LRTM1: variants seen among roughly 807,000 people sequenced by gnomAD.
LRTM1 encodes the protein leucine rich repeat transmembrane protein 1, also known as leucine-rich repeat and transmembrane domain-containing protein 1.
LRTM1 carries 38 observed loss-of-function variants against 32.4 expected under a neutral mutation model. The ratio of observed to expected loss-of-function variants is 1.17; its 90% CI spans 0.91 to 1.54. The LOEUF is 1.54. Among genes scored for constraint, LRTM1 ranks in the 40% most tolerant of loss-of-function variants. LRTM1 has a pLI of 0.00. For synonymous variants in LRTM1, 186 were observed against 169.9 expected, an observed-to-expected ratio of 1.09 and a Z score of -0.74; for missense variants, 466 against 415.4, an observed-to-expected ratio of 1.12 and a Z score of -1.06.
chr3:54,931,189 G>C (rs948400520), upstream of LRTM1, among the ~76,000 whole-genome samples: 8 of 152,164 alleles, frequency 5.3e-5, no homozygotes, highest in Non-Finnish European at 1.2e-4. Flanking sequence ...CCTAAAACAC[G>C]AATGCCCAGG....
At chr3:54,928,246 C>G (rs139573065), upstream of LRTM1, among the ~76,000 whole-genome samples, 295 of 152,296 alleles carry the variant, frequency 1.9e-3, 3 homozygotes, top group Middle Eastern at 6.8e-3. Context: ...TTTGTCAAAC[C>G]TTGGTGAACA....
At chr3:54,939,998 C>A (rs894732682) in intron 1 of LRTM1, among the ~76,000 whole-genome samples, 1 of 152,158 alleles carries the variant, frequency 6.6e-6, no homozygotes, top group Non-Finnish European at 1.5e-5. Context: ...TCTAGGACTC[C>A]CATCTGAGCA....
chr3:54,918,651 C>G lies in LRTM1; in HGVS notation c.846G>C (p.Leu282=). 1 of 1,614,180 alleles carries G rather than the reference C, an allele frequency of 6.2e-7. No homozygotes were observed. Among genetic ancestry groups the G allele is most frequent in the Non-Finnish European group, 8.5e-7 (1 of 1,180,030 alleles). Residue 282 remains leucine (L), a synonymous_variant, in exon 3 of 3, where the codon CTG becomes CTC. Transcript: ENST00000273286. ...TGATGACAGTGGCAATGGCATGACG[C>G]AGGTTGGCCGGCCTTGGCTTGGGTT... ...ELKPKPRPAN[L]RHAIATVIIT...
chr3:54,936,249 T>C (rs1471710654), intron 1 of LRTM1, among the ~76,000 whole-genome samples: 1 of 152,210 alleles, frequency 6.6e-6, no homozygotes, highest in African/African-American at 2.4e-5. Context: ...ACTAGGTACT[T>C]AGATTGTATC....
intron 1 of LRTM1, among the ~76,000 whole-genome samples, chr3:54,963,024 A>G (rs1210065754): frequency 6.6e-6 from 1 of 152,198 alleles, no homozygotes; most frequent in Non-Finnish European, 1.5e-5. Flanking sequence ...TATTAACATG[A>G]TATGAGATGC....
At chr3:54,951,447 TC>T (rs1185024556) in intron 1 of LRTM1, among the ~76,000 whole-genome samples, 1 of 152,170 alleles carries the variant, frequency 6.6e-6, no homozygotes, top group African/African-American at 2.4e-5. Flanking sequence ...ATGGAACTGT[TC>T]TTTGGTGTGC....
At chr3:54,932,597 C>A (rs1311001140), upstream of LRTM1, among the ~76,000 whole-genome samples, 1 of 152,194 alleles carries the variant, frequency 6.6e-6, no homozygotes, top group African/African-American at 2.4e-5. Context: ...ATATAGCATG[C>A]CTAGAGTTTG....
upstream of LRTM1, among the ~76,000 whole-genome samples, chr3:54,931,176 C>T (rs1223024287): frequency 2.6e-5 from 4 of 152,184 alleles, no homozygotes; most frequent in Non-Finnish European, 5.9e-5. Flanking sequence ...CTGGCTGCTC[C>T]CACCTAAAAC....
At chr3:54,963,483 A>G (rs2107054003) in intron 1 of LRTM1, among the ~76,000 whole-genome samples, 2 of 152,356 alleles carry the variant, frequency 1.3e-5, no homozygotes, top group African/African-American at 4.8e-5. Context: ...TAACTAGTGC[A>G]ACTAAGGAAC....
intron 1 of LRTM1, among the ~76,000 whole-genome samples, chr3:54,962,074 A>G (rs939044265): frequency 4.6e-5 from 7 of 152,140 alleles, no homozygotes; most frequent in African/African-American, 1.4e-4. Context: ...TTAACCCATT[A>G]ATCTATTAAT....
At chr3:54,964,412 T>G (rs1702097801) in intron 1 of LRTM1, among the ~76,000 whole-genome samples, 1 of 152,070 alleles carries the variant, frequency 6.6e-6, no homozygotes, top group African/African-American at 2.4e-5. Context: ...AATGGTGATT[T>G]TTTTTTTTCT....
intron 1 of LRTM1, among the ~76,000 whole-genome samples, chr3:54,954,833 A>C (rs1282844488): frequency 1.3e-5 from 2 of 152,214 alleles, no homozygotes; most frequent in Non-Finnish European, 2.9e-5. Flanking sequence ...GGGTGCCAGG[A>C]ATCTTCAGAA....
chr3:54,947,727 A>AG (rs1480923309), intron 1 of LRTM1, among the ~76,000 whole-genome samples: 1 of 152,156 alleles, frequency 6.6e-6, no homozygotes, highest in African/African-American at 2.4e-5. Flanking sequence ...TGGGAACAGA[A>AG]GTTACCCTAT....
intron 1 of LRTM1, among the ~76,000 whole-genome samples, chr3:54,953,136 T>C (rs1204927903): frequency 2.0e-5 from 3 of 152,232 alleles, no homozygotes; most frequent in Non-Finnish European, 4.4e-5. Context: ...GGGTGACATT[T>C]ACTGAATATT....
chr3:54,928,029 C>G lies in LRTM1; in HGVS notation c.-118G>C, dbSNP rs1017837335. ...AGCTTTACATTCAGTCTTTCTGAACCCTGCCCTTGCTTTTCTTCAATGCAG... is the reference window on the plus strand; with the variant it reads ...AGCTTTACATTCAGTCTTTCTGAACGCTGCCCTTGCTTTTCTTCAATGCAG... On this transcript the variant is annotated 5_prime_UTR_variant, in exon 1 of 3. Coordinates refer to ENST00000273286, the MANE Select transcript of LRTM1 (RefSeq NM_020678.4). The G allele has an allele frequency of 9.7e-6, 9 of 924,808 alleles. No individual in the cohort carries two copies. The Admixed American group carries it at 1.5e-4, about 16-fold the overall frequency. 57.3% of individuals were successfully genotyped at this position (924,808 alleles called of 1,614,324 possible).
intron 2 of LRTM1, among the ~76,000 whole-genome samples, chr3:54,922,073 C>T (rs1700868485): frequency 6.6e-6 from 1 of 152,150 alleles, no homozygotes; most frequent in Non-Finnish European, 1.5e-5. Context: ...TTCTGCCTTC[C>T]TCCGAAGAAA....
At chr3:54,951,304 G>A (rs541200917) in intron 1 of LRTM1, among the ~76,000 whole-genome samples, 5 of 152,180 alleles carry the variant, frequency 3.3e-5, no homozygotes, top group African/African-American at 9.7e-5. Context: ...TAGCCAAGCC[G>A]CAGACAAGAT....
In LRTM1 at chr3:54,918,875, T is replaced by C; in HGVS notation, c.622A>G (p.Ile208Val). The part of the protein sequence containing the change: ...FVYKGGLTDG[I>V]ICESPDTWKG... Reference sequence around the variant, plus strand: ...CAGGTGTCTGGTGATTCACAGATGATGCCGTCTGTTAGTCCCCCTTTAAAA... The same window carrying C: ...CAGGTGTCTGGTGATTCACAGATGACGCCGTCTGTTAGTCCCCCTTTAAAA... The change falls in exon 3 of 3, where the codon ATC becomes GTC. Residue 208 changes from isoleucine (I) to valine (V), a missense_variant. Coordinates refer to ENST00000273286, the MANE Select transcript of LRTM1 (RefSeq NM_020678.4). 6.5e-7 allele frequency: 1 copy of C among 1,547,216 alleles called. No individual in the cohort carries two copies. Among genetic ancestry groups the C allele is most frequent in the Non-Finnish European group, 8.7e-7 (1 of 1,145,788 alleles).
At chr3:54,932,596 G>A (rs1322678086), upstream of LRTM1, among the ~76,000 whole-genome samples, 2 of 152,210 alleles carry the variant, frequency 1.3e-5, no homozygotes, top group Non-Finnish European at 2.9e-5. Context: ...AATATAGCAT[G>A]CCTAGAGTTT....
Sources: allele counts gnomAD v4.1 joint callset (sites outside exome capture counted in the v4.1 genomes callset), GRCh38; gene constraint gnomAD v4.1.1; transcripts MANE v1.5; gene names NCBI Gene and HGNC (gene_info 2026-07-23, HGNC 2026-07-21).